INCENP: variants seen among roughly 807,000 people sequenced by gnomAD.
INCENP encodes the protein inner centromere protein, also known as binds and activates aurora-B and -C in vivo and in vitro.
Under a neutral mutation model 107.3 loss-of-function variants are expected in INCENP, and 43 were observed. That is an observed-to-expected ratio of 0.40 (90% CI 0.31 to 0.52). The LOEUF (loss-of-function observed/expected upper bound fraction) is 0.52, where lower values mean the gene tolerates loss of function less well. Among genes scored for constraint, INCENP ranks in the 20% least tolerant of loss-of-function variants. The pLI is 0.53. For missense variants in INCENP, 1,089 were observed against 1,250.9 expected, an observed-to-expected ratio of 0.87 and a Z score of 1.95; for synonymous variants, 488 against 494.4, an observed-to-expected ratio of 0.99 and a Z score of 0.17.
chr11:62,126,517 A>G (rs535244418), intron 1 of INCENP, among the ~76,000 whole-genome samples: 149 of 152,266 alleles, frequency 9.8e-4, no homozygotes, highest in Non-Finnish European at 1.4e-3. Context: ...TTAAAGAGGT[A>G]AGTCAGGATG....
intron 4 of INCENP, among the ~76,000 whole-genome samples, chr11:62,136,338 C>G (rs2250661): frequency 0.48 from 73,579 of 152,052 alleles, 20,070 homozygotes; most frequent in Middle Eastern, 0.63. Context: ...CACTTCCCAC[C>G]TCAGCACACA....
chr11:62,130,515 A>G lies in INCENP; in HGVS notation c.988A>G (p.Ser330Gly), dbSNP rs1943869145. 6.2e-7 allele frequency: 1 copy of G among 1,613,954 alleles called. No individual in the cohort carries two copies. Among genetic ancestry groups the G allele is most frequent in the African/African-American group, 1.3e-5 (1 of 74,938 alleles). ...GTACTCTCTGGTGGCCAAACAGGAA[A>G]GTGTTGTCCGCAGGGCGAGCAGAAG... ...QKYSLVAKQE[S>G]VVRRASRRLA... The change falls in exon 4 of 19, where the codon AGT becomes GGT. Residue 330 changes from serine to glycine, a missense_variant. Physicochemically the swap from Ser to Gly is moderately conservative, Grantham distance 56. Coordinates refer to ENST00000394818, the MANE Select transcript of INCENP (RefSeq NM_001040694.2).
intron 16 of INCENP, 64 bp downstream of exon 16, chr11:62,148,618 CCTG>C (rs1565103050): frequency 1.3e-6 from 2 of 1,531,620 alleles, no homozygotes; most frequent in African/African-American, 2.7e-5. Context: ...GGTCTGGACT[CCTG>C]CAGCAGGGGC....
intron 11 of INCENP, among the ~76,000 whole-genome samples, chr11:62,142,445 G>C (rs1944144927): frequency 6.6e-6 from 1 of 152,222 alleles, no homozygotes; most frequent in African/African-American, 2.4e-5. Flanking sequence ...TGATAGAGAA[G>C]ACCAGGAAGT....
At chr11:62,133,105 T>C (rs1391128618) in intron 4 of INCENP, among the ~76,000 whole-genome samples, 5 of 152,052 alleles carry the variant, frequency 3.3e-5, no homozygotes, top group African/African-American at 1.2e-4. Flanking sequence ...GGAGGCTTCC[T>C]GGGGGTCTTC....
chr11:62,144,975 AC>A lies in INCENP; in HGVS notation c.1606-3del. On this transcript the variant is annotated splice_region_variant and splice_polypyrimidine_tract_variant and intron_variant, in intron 11 of 18. Coordinates refer to ENST00000394818, the MANE Select transcript of INCENP (RefSeq NM_001040694.2). ...TGTCCCATCTCCCTCGCTCCCCGCC[AC>A]CCCAGGAGAAGGAGCGGCAGCGCCT... 20 of 1,589,354 alleles carry A rather than the reference AC, an allele frequency of 1.3e-5. No homozygotes were observed. The highest frequency in any genetic ancestry group is 1.6e-5 in the Non-Finnish European group (19 of 1,169,538).
intron 11 of INCENP, among the ~76,000 whole-genome samples, chr11:62,142,229 G>GAC (rs1189150748): frequency 3.3e-5 from 5 of 152,238 alleles, no homozygotes; most frequent in African/African-American, 4.8e-5. Flanking sequence ...GCCACACAGG[G>GAC]ACACCTGTGA....
chr11:62,143,248 T>G (rs1325790606), intron 11 of INCENP, among the ~76,000 whole-genome samples: 1 of 151,044 alleles, frequency 6.6e-6, no homozygotes, highest in Admixed American at 6.7e-5. Flanking sequence ...GCCATAGGAC[T>G]GCTTGTGGGC....
rs908475056 is a variant in INCENP, at chr11:62,145,747, A to G, written c.1955A>G (p.Gln652Arg). The change falls in exon 14 of 19, where the codon CAG becomes CGG. Residue 652 changes from glutamine (Q) to arginine (R), a missense_variant. Physicochemically the swap from Gln to Arg is conservative, Grantham distance 43 (BLOSUM62 1). Transcript: ENST00000394818. ...GAGGCACGTAGGCTCAGGTGGCTGC[A>G]GCAGGTGCGAGCACAGGTGGGCCTC... ...EEEARRLRWLQQEEEERRHQE... is the reference protein window; with the variant it reads ...EEEARRLRWLRQEEEERRHQE... 2 of 1,551,742 alleles carry G rather than the reference A, an allele frequency of 1.3e-6. No homozygotes were observed. Among genetic ancestry groups the G allele is most frequent in the African/African-American group, 2.7e-5 (2 of 73,162 alleles).
In INCENP at chr11:62,138,735, G is replaced by A. The variant is rs140202170; in HGVS notation, c.1138G>A (p.Glu380Lys). The A allele has an allele frequency of 1.5e-4, 238 of 1,613,998 alleles. No individual in the cohort carries two copies. Among genetic ancestry groups the A allele is most frequent in the Non-Finnish European group, 1.9e-4 (221 of 1,180,026 alleles). Reference protein sequence around the residue: ...KVGSEQKEPPEEAEPVAAAEP... With the variant: ...KVGSEQKEPPKEAEPVAAAEP... ...CAGTTCTGAGCAGAAGGAACCCCCC[G>A]AGGAGGCTGAGCCTGTGGCGGCAGC... is the stretch of plus-strand genomic sequence containing the variant. The change falls in exon 6 of 19, where the codon GAG (glutamate) becomes AAG (lysine). Residue 380 changes from glutamate (E) to lysine (K), a missense_variant. Physicochemically the swap from Glu to Lys is moderately conservative, Grantham distance 56. Coordinates refer to ENST00000394818, the MANE Select transcript of INCENP (RefSeq NM_001040694.2).
At chr11:62,144,771 G>A (rs776238180) in intron 11 of INCENP, 4 of 760,802 alleles carry the variant, frequency 5.3e-6, no homozygotes, top group Admixed American at 1.7e-5. Context: ...GCCCTTGCGA[G>A]GTAGCTGAGT....
At chr11:62,148,135 G>A (rs753829482) in intron 15 of INCENP, among the ~76,000 whole-genome samples, 1 of 152,162 alleles carries the variant, frequency 6.6e-6, no homozygotes, top group African/African-American at 2.4e-5. Context: ...ATAAAAAGGG[G>A]TATTGTGGAT....
chr11:62,146,305 G>A (rs898381), intron 14 of INCENP, among the ~76,000 whole-genome samples: 3,318 of 152,284 alleles, frequency 0.022, 126 homozygotes, highest in African/African-American at 0.075. Context: ...TGTGTTGTGC[G>A]TATCAACCCA....
chr11:62,133,658 G>A (rs1943935690), intron 4 of INCENP, among the ~76,000 whole-genome samples: 1 of 152,220 alleles, frequency 6.6e-6, no homozygotes, highest in Admixed American at 6.5e-5. Flanking sequence ...GTGCTGGTGG[G>A]AGAGCCATGT....
intron 1 of INCENP, among the ~76,000 whole-genome samples, chr11:62,127,500 A>C (rs1271417532): frequency 6.6e-6 from 1 of 152,244 alleles, no homozygotes; most frequent in African/African-American, 2.4e-5. Flanking sequence ...TTTGGAGGGC[A>C]TTTCAGCTCA....
chr11:62,142,102 A>G (rs1488969438), intron 11 of INCENP, among the ~76,000 whole-genome samples: 4 of 152,126 alleles, frequency 2.6e-5, no homozygotes, highest in African/African-American at 9.7e-5. Context: ...GGCCCTGAGC[A>G]AGGACCCTCA....
Position 62,138,987 on chromosome 11 carries a change from C to T in INCENP, c.1273C>T (p.Pro425Ser). The change falls in exon 7 of 19, where the codon CCC (proline) becomes TCC (serine). Residue 425 changes from proline to serine, a missense_variant. Transcript: ENST00000394818. Reference sequence around the variant, plus strand: ...GCCTGCAGCCAGCAGCCCGGAAACACCCTCTGCAGGGCAGCAAGGTGAGGC... The same window carrying T: ...GCCTGCAGCCAGCAGCCCGGAAACATCCTCTGCAGGGCAGCAAGGTGAGGC... ...PKPAASSPETPSAGQQEAKTD... is the reference protein window; with the variant it reads ...PKPAASSPETSSAGQQEAKTD... 1.2e-6 allele frequency: 2 copies of T among 1,613,594 alleles called. No homozygotes were observed. The highest frequency in any genetic ancestry group is 1.7e-6 in the Non-Finnish European group (2 of 1,179,558).
chr11:62,141,594 A>G (rs1383633637), intron 11 of INCENP, 83 bp downstream of exon 11: 1 of 1,511,856 alleles, frequency 6.6e-7, no homozygotes, highest in Admixed American at 1.7e-5. Flanking sequence ...AGCTGACAGC[A>G]CCTGTAGATG....
Position 62,140,951 on chromosome 11 carries a change from G to A in INCENP, c.1500G>A (p.Gln500=). 1 of 1,614,232 alleles carries A rather than the reference G, an allele frequency of 6.2e-7. No homozygotes were observed. Among genetic ancestry groups the A allele is most frequent in the Non-Finnish European group, 8.5e-7 (1 of 1,180,032 alleles). ...TCCGGACCTTTCTGCACACAGTGCAGAGGAACCAGATGCTCATGACCCCGA... is the reference window on the plus strand; with the variant it reads ...TCCGGACCTTTCTGCACACAGTGCAAAGGAACCAGATGCTCATGACCCCGA... The part of the protein sequence containing the change: ...RPLRTFLHTV[Q]RNQMLMTPTS... The change falls in exon 10 of 19, where the codon CAG becomes CAA. Residue 500 remains glutamine (Q), a synonymous_variant. Coordinates refer to ENST00000394818, the MANE Select transcript of INCENP (RefSeq NM_001040694.2).
Sources: gnomAD v4.1 joint callset for allele counts (sites outside exome capture counted in the v4.1 genomes callset) on GRCh38, gnomAD v4.1.1 for gene constraint, MANE v1.5 for transcripts, NCBI Gene and HGNC (gene_info 2026-07-23, HGNC 2026-07-21) for gene names.